The following DMXL2 variants were observed in gnomAD, a reference collection of about 807,000 sequenced individuals.
DMXL2 encodes the protein Dmx like 2, also known as dmX-like protein 2.
Under a neutral mutation model 331.1 loss-of-function variants are expected in DMXL2, and 103 were observed. The ratio of observed to expected loss-of-function variants is 0.31; its 90% CI spans 0.27 to 0.37. The LOEUF (loss-of-function observed/expected upper bound fraction) is 0.37, where lower values mean the gene tolerates loss of function less well. DMXL2 is among the 10% of genes least tolerant of loss of function. The pLI, the probability that DMXL2 is intolerant of heterozygous loss-of-function variation, is 1.00. For synonymous variants in DMXL2, 1,281 were observed against 1,252.1 expected, an observed-to-expected ratio of 1.02 and a Z score of -0.49; for missense variants, 3,171 against 3,642.9, an observed-to-expected ratio of 0.87 and a Z score of 3.33.
chr15:51,510,406 A>G (rs1596063921), intron 15 of DMXL2, among the ~76,000 whole-genome samples: 1 of 152,204 alleles, frequency 6.6e-6, no homozygotes, highest in African/African-American at 2.4e-5. Context: ...ATTCCTATAC[A>G]CCAATAACAG....
chr15:51,547,273 C>T lies in DMXL2; in HGVS notation c.703G>A (p.Val235Met). Residue 235 changes from valine to methionine, a missense_variant, in exon 7 of 44, where the codon GTG (valine) becomes ATG (methionine). By Grantham distance (21) the Val-to-Met change is conservative (BLOSUM62 1). Transcript: ENST00000560891. The stretch of plus-strand genomic sequence containing the variant: ...GTTTTGCGCCACGAAAAACCTGTCA[C>T]AGCTCGGGGATGTGCCAAGTAAACA... ...SFVYLAHPRA[V>M]TGFSWRKTSK... The T allele has an allele frequency of 6.2e-7, 1 of 1,611,976 alleles. No homozygotes were observed. Among genetic ancestry groups the T allele is most frequent in the Non-Finnish European group, 8.5e-7 (1 of 1,179,072 alleles).
intron 1 of DMXL2, among the ~76,000 whole-genome samples, chr15:51,618,257 C>A (rs1032609699): frequency 6.6e-6 from 1 of 151,934 alleles, no homozygotes; most frequent in African/African-American, 2.4e-5. Flanking sequence ...ATTAGACTAC[C>A]AGGTTCCTAC....
At chr15:51,611,149 A>T (rs192830261) in intron 1 of DMXL2, among the ~76,000 whole-genome samples, 135 of 152,218 alleles carry the variant, frequency 8.9e-4, no homozygotes, top group African/African-American at 2.5e-3. Flanking sequence ...AATAGAAAAT[A>T]AGTATATAAC....
chr15:51,503,189 T>TG (rs1237395948), intron 16 of DMXL2, among the ~76,000 whole-genome samples, 156 bp from the exon 17 acceptor site: 1 of 152,160 alleles, frequency 6.6e-6, no homozygotes, highest in Non-Finnish European at 1.5e-5. Context: ...TAAAACAGAA[T>TG]GACCATATGA....
chr15:51,547,447 A>C (rs757979875), intron 6 of DMXL2, 39 bp from the exon 7 acceptor site: 21 of 1,408,970 alleles, frequency 1.5e-5, no homozygotes, highest in Non-Finnish European at 1.9e-5. Context: ...TAATTTGTAC[A>C]TACACAATTC....
chr15:51,471,294 C>A lies in DMXL2; in HGVS notation c.7321G>T (p.Ala2441Ser). 6.2e-7 allele frequency: 1 copy of A among 1,614,048 alleles called. No individual in the cohort carries two copies. Residue 2441 changes from alanine to serine, a missense_variant, in exon 29 of 44, where the codon GCA becomes TCA. By Grantham distance (99) the Ala-to-Ser change is moderately conservative. Coordinates refer to ENST00000560891, the MANE Select transcript of DMXL2 (RefSeq NM_001378457.1). ...TTTTCTTTGTAAGATGGTCTTTCTGCAGGCACCGGTGGTGGGGTAGCATCT... is the reference window on the plus strand; with the variant it reads ...TTTTCTTTGTAAGATGGTCTTTCTGAAGGCACCGGTGGTGGGGTAGCATCT... ...VKDATPPPVPAERPSYKEKFI... is the reference protein window; with the variant it reads ...VKDATPPPVPSERPSYKEKFI...
Position 51,605,765 on chromosome 15 carries a change from G to A in DMXL2, c.87+16694C>T, listed in dbSNP as rs376095083. 1.0e-3 allele frequency among the ~76,000 whole-genome samples: 48 copies of A among 46,006 alleles called. 12 individuals are homozygous for A. Among genetic ancestry groups the A allele is most frequent in the African/African-American group, 2.8e-3 (44 of 15,828 alleles). The allele number at this position is 46,006 out of a possible 152,430, so 30.2% of individuals were successfully genotyped here. On this transcript the variant is annotated intron_variant, in intron 1 of 43. Coordinates refer to ENST00000560891, the MANE Select transcript of DMXL2 (RefSeq NM_001378457.1). Reference sequence around the variant, plus strand: ...TCACCTTGTTAGCCAGGATGGTCTCGATCTCCTGACCTCATGATCCACCCG... The same window carrying A: ...TCACCTTGTTAGCCAGGATGGTCTCAATCTCCTGACCTCATGATCCACCCG...
intron 9 of DMXL2, among the ~76,000 whole-genome samples, chr15:51,539,473 T>C (rs879789843): frequency 2.6e-5 from 4 of 152,096 alleles, no homozygotes; most frequent in Admixed American, 6.6e-5. Flanking sequence ...ATTTCTCCAT[T>C]TGAGGTAACT....
At chr15:51,586,424 A>C (rs2051830765) in intron 1 of DMXL2, among the ~76,000 whole-genome samples, 1 of 152,194 alleles carries the variant, frequency 6.6e-6, no homozygotes. Context: ...AAGAAAACTT[A>C]AGAAAACGTT....
In DMXL2 at chr15:51,568,609, A is replaced by T. The variant is rs146484308; in HGVS notation, c.214-51T>A. 225 of 1,178,494 alleles carry T rather than the reference A, an allele frequency of 1.9e-4. No individual in the cohort carries two copies. The East Asian group carries it at 5.4e-3, about 28-fold the overall frequency. The allele number at this position is 1,178,494 out of a possible 1,614,324, so 73.0% of individuals were successfully genotyped here. On this transcript the variant is annotated intron_variant, in intron 2 of 43. Transcript: ENST00000560891. The stretch of plus-strand genomic sequence containing the variant: ...ATATCTAGAAAAGGGTAAAATAAAG[A>T]TATCTTCCTTTTCATAATAATGTAT...
chr15:51,565,642 T>C (rs1170748678), intron 3 of DMXL2, among the ~76,000 whole-genome samples: 1 of 152,230 alleles, frequency 6.6e-6, no homozygotes, highest in Non-Finnish European at 1.5e-5. Context: ...AAATTGCAAC[T>C]CTTCAAGGGC....
intron 1 of DMXL2, among the ~76,000 whole-genome samples, chr15:51,608,243 T>C (rs1021328257): frequency 1.3e-5 from 2 of 152,036 alleles, no homozygotes; most frequent in Non-Finnish European, 2.9e-5. Flanking sequence ...AGCAATCCCA[T>C]TATTGGGTAT....
chr15:51,525,696 G>A (rs1312689507), intron 13 of DMXL2, among the ~76,000 whole-genome samples: 2 of 152,166 alleles, frequency 1.3e-5, no homozygotes, highest in African/African-American at 2.4e-5. Flanking sequence ...TGGCCACAGG[G>A]TGAAGCTCGT....
At position 51,457,410 on chromosome 15, in the gene DMXL2, G is replaced by C; in HGVS notation, c.8255C>G (p.Thr2752Arg). The C allele has an allele frequency of 6.2e-7, 1 of 1,614,186 alleles. No individual in the cohort carries two copies. Among genetic ancestry groups the C allele is most frequent in the Non-Finnish European group, 8.5e-7 (1 of 1,179,988 alleles). The change falls in exon 37 of 44, where the codon ACA becomes AGA. Residue 2752 changes from threonine (T) to arginine (R), a missense_variant. By Grantham distance (71) the Thr-to-Arg change is moderately conservative. Around this residue, in one of 7 missense-constraint regions of DMXL2, gnomAD observed 766 missense variants for 940.5 expected, o/e 0.81. Coordinates refer to ENST00000560891, the MANE Select transcript of DMXL2 (RefSeq NM_001378457.1). The part of the protein sequence containing the change: ...STTTLYQPSA[T>R]SYSASQVHPP... ...ATGCACCTGACTTGCTGAATAGGAT[G>C]TTGCACTGGGTTGATAAAGAGTTGT... is the stretch of plus-strand genomic sequence containing the variant.
chr15:51,566,786 T>C (rs1444802877), intron 3 of DMXL2, among the ~76,000 whole-genome samples: 1 of 152,196 alleles, frequency 6.6e-6, no homozygotes, highest in Non-Finnish European at 1.5e-5. Context: ...CATTCAGATT[T>C]AGCATTTGCA....
At chr15:51,531,675 G>GA (rs1426146259) in intron 13 of DMXL2, among the ~76,000 whole-genome samples, 3 of 152,088 alleles carry the variant, frequency 2.0e-5, no homozygotes, top group East Asian at 1.9e-4. Flanking sequence ...AACTCTACAG[G>GA]AAAAAATCTA....
chr15:51,497,265 AT>A (rs1461985107), intron 18 of DMXL2, among the ~76,000 whole-genome samples: 2 of 152,212 alleles, frequency 1.3e-5, no homozygotes, highest in Non-Finnish European at 1.5e-5. Context: ...GGGATATACT[AT>A]AAGGATGTAA....
intron 2 of DMXL2, among the ~76,000 whole-genome samples, chr15:51,569,668 T>C (rs968539803): frequency 1.1e-4 from 16 of 152,238 alleles, no homozygotes; most frequent in African/African-American, 3.4e-4. Context: ...CAGCCTCCGC[T>C]GGTGATACCC....
chr15:51,548,882 T>A (rs1006936210), intron 6 of DMXL2, among the ~76,000 whole-genome samples: 1 of 151,348 alleles, frequency 6.6e-6, no homozygotes, highest in Non-Finnish European at 1.5e-5. Flanking sequence ...AAAGGGGGAG[T>A]TGCAGTTACC....
Sources: allele counts gnomAD v4.1 joint callset (sites outside exome capture counted in the v4.1 genomes callset), GRCh38; gene constraint gnomAD v4.1.1; regional missense constraint gnomAD v4.1.1; transcripts MANE v1.5; gene names NCBI Gene and HGNC (gene_info 2026-07-23, HGNC 2026-07-21).